Variants in REC114 observed in about 807,000 individuals in gnomAD.
REC114 encodes meiotic recombination protein REC114.
In REC114, 27 loss-of-function variants were observed where a neutral mutation model predicts 31.3. The observed-to-expected ratio is 0.86, with a 90% CI of 0.64 to 1.19. The LOEUF is 1.19. REC114 is among the 50% of genes most tolerant of loss of function. The pLI, the probability that REC114 is intolerant of heterozygous loss-of-function variation, is 0.00. For missense variants in REC114, 344 were observed against 326.9 expected (o/e 1.05, Z -0.40); for synonymous variants, 134 against 127.7 (o/e 1.05, Z -0.33).
Position 73,443,239 on chromosome 15 carries a change from G to A in REC114, c.54G>A (p.Ala18=), listed in dbSNP as rs756371614. The A allele has an allele frequency of 2.4e-5, 37 of 1,574,018 alleles. No individual in the cohort carries two copies. The highest frequency in any genetic ancestry group is 3.0e-5 in the Non-Finnish European group (35 of 1,160,802). The change falls in exon 1 of 6, where the codon GCG becomes GCA. Residue 18 remains alanine (A), a synonymous_variant. Transcript: ENST00000331090. The part of the protein sequence containing the change: ...PLSLGLTGGE[A]AEWPLQRYAR... ...GCCTCGGGCTTACCGGAGGAGAAGCGGCAGAGTGGCCTCTGCAGCGGTACG... is the reference window on the plus strand; with the variant it reads ...GCCTCGGGCTTACCGGAGGAGAAGCAGCAGAGTGGCCTCTGCAGCGGTACG...
intron 1 of REC114, among the ~76,000 whole-genome samples, chr15:73,464,340 C>T (rs1399568445): frequency 6.6e-6 from 1 of 151,798 alleles, no homozygotes; most frequent in African/African-American, 2.4e-5. Context: ...ATAAGAAATA[C>T]AGAAATATAT....
chr15:73,496,085 G>T (rs1403804119), intron 2 of REC114, among the ~76,000 whole-genome samples: 1 of 151,950 alleles, frequency 6.6e-6, no homozygotes, highest in African/African-American at 2.4e-5. Context: ...TGGGTGCGGT[G>T]GCTCACGGCT....
chr15:73,497,387 G>C (rs1893543136), intron 2 of REC114, among the ~76,000 whole-genome samples: 2 of 152,128 alleles, frequency 1.3e-5, no homozygotes, highest in Non-Finnish European at 2.9e-5. Context: ...GATTCTATCA[G>C]TATGGACTCA....
At chr15:73,556,195 G>A (rs770091273) in intron 4 of REC114, 107 bp from the exon 5 acceptor site, 2 of 901,792 alleles carry the variant, frequency 2.2e-6, no homozygotes, top group Non-Finnish European at 3.4e-6. Context: ...CACTCTTAGT[G>A]GTATTTTCTT....
intron 2 of REC114, among the ~76,000 whole-genome samples, chr15:73,524,604 T>C (rs528766197): frequency 5.5e-4 from 83 of 152,234 alleles, no homozygotes; most frequent in African/African-American, 1.8e-3. Context: ...TTTTTATTTT[T>C]CTTTTTTTTT....
intron 3 of REC114, among the ~76,000 whole-genome samples, chr15:73,549,755 T>A (rs1049862800): frequency 6.6e-6 from 1 of 152,148 alleles, no homozygotes; most frequent in Non-Finnish European, 1.5e-5. Context: ...GGGGAAAAAT[T>A]AAATGAATTA....
intron 1 of REC114, among the ~76,000 whole-genome samples, chr15:73,450,543 T>G (rs1892829634): frequency 1.3e-5 from 2 of 152,088 alleles, no homozygotes; most frequent in Admixed American, 6.5e-5. Context: ...GTGGGAGACT[T>G]TAACACCCCA....
intron 2 of REC114, among the ~76,000 whole-genome samples, chr15:73,476,955 G>C (rs2141294823): frequency 6.6e-6 from 1 of 152,296 alleles, no homozygotes; most frequent in African/African-American, 2.4e-5. Context: ...CTGCAAAACT[G>C]TTTTCCAAAG....
chr15:73,522,678 A>G (rs955771751), intron 2 of REC114, among the ~76,000 whole-genome samples: 2 of 152,230 alleles, frequency 1.3e-5, no homozygotes, highest in Non-Finnish European at 2.9e-5. Flanking sequence ...TGTTTATCCA[A>G]TACATATTCA....
intron 2 of REC114, among the ~76,000 whole-genome samples, chr15:73,477,234 CT>C (rs1893227763): frequency 6.6e-6 from 1 of 152,164 alleles, no homozygotes. Flanking sequence ...AATTCTTACT[CT>C]GGTTACAACT....
chr15:73,467,708 G>T (rs1893080528), intron 1 of REC114, among the ~76,000 whole-genome samples: 1 of 152,178 alleles, frequency 6.6e-6, no homozygotes, highest in Non-Finnish European at 1.5e-5. Context: ...GGATTGGATA[G>T]ATCAACTTGG....
chr15:73,542,125 G>A (rs946545868), intron 3 of REC114, among the ~76,000 whole-genome samples: 16 of 151,926 alleles, frequency 1.1e-4, no homozygotes, highest in Non-Finnish European at 1.3e-4. Flanking sequence ...GAAATCAGGA[G>A]TTCAAGACCA....
intron 1 of REC114, among the ~76,000 whole-genome samples, chr15:73,455,409 T>C (rs1892902142): frequency 6.6e-6 from 1 of 152,126 alleles, no homozygotes; most frequent in Non-Finnish European, 1.5e-5. Flanking sequence ...TTTTTTCTGA[T>C]TATAGGAGAA....
chr15:73,534,459 ACT>A (rs1198312790), intron 2 of REC114, among the ~76,000 whole-genome samples: 3 of 152,200 alleles, frequency 2.0e-5, no homozygotes, highest in Non-Finnish European at 4.4e-5. Context: ...CGACACATAC[ACT>A]CTCCCAAGAC....
At chr15:73,470,367 A>T (rs1439208977) in intron 1 of REC114, among the ~76,000 whole-genome samples, 2 of 151,904 alleles carry the variant, frequency 1.3e-5, no homozygotes, top group Non-Finnish European at 2.9e-5. Context: ...TTTTGTGGAG[A>T]TCTTAGTTTT....
chr15:73,538,976 A>T (rs1463325722), intron 2 of REC114, among the ~76,000 whole-genome samples: 2 of 151,712 alleles, frequency 1.3e-5, no homozygotes. Flanking sequence ...TGTAAAATGA[A>T]TTCCCGGCAT....
chr15:73,478,073 G>A (rs1358180479), intron 2 of REC114, among the ~76,000 whole-genome samples: 1 of 151,882 alleles, frequency 6.6e-6, no homozygotes, highest in Non-Finnish European at 1.5e-5. Context: ...AGACCAGCCT[G>A]GCCAACATGG....
intron 2 of REC114, 114 bp downstream of exon 2, chr15:73,474,035 C>T: frequency 2.8e-6 from 2 of 703,648 alleles, no homozygotes; most frequent in Non-Finnish European, 2.4e-6. Flanking sequence ...TCAAGGTCAA[C>T]ACATTAAGCA....
At chr15:73,525,212 GTGGGATCTGTTGTGCCA>G (rs1482517828) in intron 2 of REC114, among the ~76,000 whole-genome samples, 8 of 152,194 alleles carry the variant, frequency 5.3e-5, no homozygotes, top group Non-Finnish European at 1.0e-4. Context: ...TTTAGTGCCT[GTGGGATCTGTTGTGCCA>G]TCTTCTCTTT....
Sources: gnomAD v4.1 joint callset for allele counts (sites outside exome capture counted in the v4.1 genomes callset) on GRCh38, gnomAD v4.1.1 for gene constraint, MANE v1.5 for transcripts, NCBI Gene and HGNC (gene_info 2026-07-23, HGNC 2026-07-21) for gene names.